TDRP: variants seen among roughly 807,000 people sequenced by gnomAD.
TDRP encodes the protein testis development-related protein.
In TDRP, 12 loss-of-function variants were observed where a neutral mutation model predicts 10.5. The ratio of observed to expected loss-of-function variants is 1.15; its 90% CI spans 0.73 to 1.86. TDRP has a LOEUF of 1.86. Ranked by LOEUF, TDRP falls within the 40% of genes most tolerant of loss-of-function variation. The pLI is 0.00. For synonymous variants in TDRP, 139 were observed against 95.4 expected (o/e 1.46, Z -2.67); for missense variants, 353 against 229.2 (o/e 1.54, Z -3.49).
chr8:535,271 C>T (rs1802315468), intron 1 of TDRP, among the ~76,000 whole-genome samples: 1 of 152,094 alleles, frequency 6.6e-6, no homozygotes, highest in Non-Finnish European at 1.5e-5. Flanking sequence ...GCTGCACCAC[C>T]CTAGCTCATG....
chr8:534,948 G>A (rs1299656809), intron 1 of TDRP, among the ~76,000 whole-genome samples: 4 of 152,184 alleles, frequency 2.6e-5, no homozygotes, highest in South Asian at 2.1e-4. Context: ...ACCAAGACAC[G>A]CTCTGACTAA....
chr8:522,527 C>G (rs1200595271), intron 1 of TDRP, among the ~76,000 whole-genome samples: 1 of 152,080 alleles, frequency 6.6e-6, no homozygotes, highest in African/African-American at 2.4e-5. Context: ...ACATGTTGTT[C>G]CTTGAAAAGT....
chr8:515,319 A>G (rs1353177435), intron 1 of TDRP, among the ~76,000 whole-genome samples: 1 of 152,236 alleles, frequency 6.6e-6, no homozygotes, highest in Non-Finnish European at 1.5e-5. Context: ...GATTAAAACT[A>G]TGAGTATATA....
rs552101114 is a variant in TDRP, at chr8:501,074, G to A, written c.109-6477C>T. Among the ~76,000 whole-genome samples, 34 of 152,024 alleles carry A rather than the reference G, an allele frequency of 2.2e-4. No homozygotes were observed. The East Asian group carries it at 3.6e-3, about 16-fold the overall frequency. On this transcript the variant is annotated intron_variant, in intron 1 of 2. Transcript: ENST00000324079. The stretch of plus-strand genomic sequence containing the variant: ...ACAAAAATTAGCCGGGCGTGATGGC[G>A]GGCGCCTGTAGTCCCAGCTACTCTG...
upstream of TDRP, among the ~76,000 whole-genome samples, chr8:545,311 G>C (rs1284534834): frequency 2.0e-5 from 1 of 50,260 alleles, no homozygotes; most frequent in Non-Finnish European, 3.7e-5. Flanking sequence ...AGCCCCCACC[G>C]AGCCCCTAGC....
chr8:539,367 C>A lies in TDRP; in HGVS notation c.108+5283G>T, dbSNP rs928293960. Among the ~76,000 whole-genome samples, 6 of 152,150 alleles carry A rather than the reference C, an allele frequency of 3.9e-5. No homozygotes were observed. In the East Asian group the frequency reaches 1.2e-3, roughly 29 times the overall value. ...AGCCCCTCACCAAGAACGAAGCACC[C>A]TGATTTAAAACTTCCAGCCTCTGGA... On this transcript the variant is annotated intron_variant, in intron 1 of 2. Coordinates refer to ENST00000324079, the MANE Select transcript of TDRP (RefSeq NM_001384899.1).
At chr8:543,517 AAGAGAGCTGTTT>A (rs1429657115) in intron 1 of TDRP, among the ~76,000 whole-genome samples, 1 of 152,030 alleles carries the variant, frequency 6.6e-6, no homozygotes, top group Non-Finnish European at 1.5e-5. Flanking sequence ...TACATTCAAG[AAGAGAGCTGTTT>A]AGAGTAACTA....
rs1010480700 is a variant in TDRP at position 543,636 on chromosome 8, G to A, written c.108+1014C>T. Among the ~76,000 whole-genome samples the A allele has an allele frequency of 2.6e-5, 4 of 151,608 alleles. No individual in the cohort carries two copies. The East Asian group carries it at 5.8e-4, about 22-fold the overall frequency. On this transcript the variant is annotated intron_variant, in intron 1 of 2. Coordinates refer to ENST00000324079, the MANE Select transcript of TDRP (RefSeq NM_001384899.1). The stretch of plus-strand genomic sequence containing the variant: ...GTTCAGATAGTAACCATATTTAAGC[G>A]CTTAACATAATCGGCTCCATTTTCC...
intron 1 of TDRP, among the ~76,000 whole-genome samples, chr8:521,310 G>C (rs999692570): frequency 4.0e-5 from 6 of 151,290 alleles, no homozygotes; most frequent in Non-Finnish European, 7.4e-5. Flanking sequence ...CCAGCTACTT[G>C]GGAGGCTGAG....
At chr8:501,129 CG>C (rs1486193175) in intron 1 of TDRP, among the ~76,000 whole-genome samples, 2 of 151,736 alleles carry the variant, frequency 1.3e-5, no homozygotes, top group East Asian at 2.0e-4. Flanking sequence ...GGCGTGAACC[CG>C]AGGAGGTGGA....
intron 1 of TDRP, among the ~76,000 whole-genome samples, chr8:511,224 C>A (rs1478214147): frequency 6.6e-6 from 1 of 152,140 alleles, no homozygotes; most frequent in African/African-American, 2.4e-5. Context: ...CAACTAAATA[C>A]TGCCTATAGG....
chr8:525,401 A>C (rs1241745717), intron 1 of TDRP, among the ~76,000 whole-genome samples: 2 of 152,248 alleles, frequency 1.3e-5, no homozygotes, highest in Non-Finnish European at 2.9e-5. Context: ...CTAAGTACAT[A>C]GAAAAACAGA....
intron 1 of TDRP, among the ~76,000 whole-genome samples, chr8:512,814 A>C (rs563831425): frequency 9.8e-4 from 149 of 152,124 alleles, no homozygotes; most frequent in African/African-American, 3.5e-3. Context: ...TCTAATAAAA[A>C]TACAAAAATT....
At chr8:514,490 T>A (rs1489647527) in intron 1 of TDRP, among the ~76,000 whole-genome samples, 1 of 152,194 alleles carries the variant, frequency 6.6e-6, no homozygotes, top group Non-Finnish European at 1.5e-5. Context: ...GACAGGATGC[T>A]GAACGCAGAC....
intron 1 of TDRP, among the ~76,000 whole-genome samples, chr8:522,556 T>C (rs1284238819): frequency 6.6e-6 from 1 of 152,328 alleles, no homozygotes; most frequent in East Asian, 1.9e-4. Flanking sequence ...ATGTAATGCA[T>C]GTCTTAATTA....
chr8:493,497 C>T (rs1306569058), intron 2 of TDRP, among the ~76,000 whole-genome samples: 1 of 152,234 alleles, frequency 6.6e-6, no homozygotes, highest in Non-Finnish European at 1.5e-5. Context: ...AGAAGCAGAC[C>T]GGGGGCCCAC....
upstream of TDRP, chr8:544,861 C>G (rs923975333): frequency 1.1e-6 from 1 of 870,142 alleles, no homozygotes; most frequent in Non-Finnish European, 1.5e-6. Context: ...GGACGCGGGC[C>G]CAGTGGGCCG....
chr8:498,460 T>C (rs1801194422), intron 1 of TDRP, among the ~76,000 whole-genome samples: 2 of 152,232 alleles, frequency 1.3e-5, no homozygotes, highest in South Asian at 4.1e-4. Context: ...TGGGTGCATT[T>C]ACCCAACGCC....
intron 1 of TDRP, among the ~76,000 whole-genome samples, chr8:533,369 C>T (rs183023944): frequency 2.6e-5 from 4 of 152,280 alleles, no homozygotes; most frequent in Non-Finnish European, 2.9e-5. Flanking sequence ...TGTCAGGGCA[C>T]GCCCTTCTCC....
Sources: gnomAD v4.1 joint callset for allele counts (sites outside exome capture counted in the v4.1 genomes callset) on GRCh38, gnomAD v4.1.1 for gene constraint, MANE v1.5 for transcripts, NCBI Gene and HGNC (gene_info 2026-07-23, HGNC 2026-07-21) for gene names.